Variants in SLC4A10 observed in about 807,000 individuals in gnomAD.
SLC4A10 encodes sodium-driven chloride bicarbonate exchanger.
A neutral mutation model predicts 137.7 loss-of-function variants in SLC4A10; 42 were observed. The observed-to-expected ratio is 0.30, with a 90% CI of 0.24 to 0.39. SLC4A10 has a LOEUF of 0.39. Ranked by LOEUF, SLC4A10 falls within the 10% of genes least tolerant of loss-of-function variation. The pLI is 1.00. For missense variants in SLC4A10, 925 were observed against 1,355.0 expected (o/e 0.68, Z 4.98); for synonymous variants, 474 against 464.1 (o/e 1.02, Z -0.27).
intron 22 of SLC4A10, among the ~76,000 whole-genome samples, chr2:161,964,625 AACATTGT>A: frequency 6.6e-6 from 1 of 152,290 alleles, no homozygotes; most frequent in East Asian, 1.9e-4. Flanking sequence ...TTTTTAAAAT[AACATTGT>A]ATTAAATGTT....
intron 15 of SLC4A10, among the ~76,000 whole-genome samples, chr2:161,914,582 T>C (rs936006990): frequency 8.0e-4 from 121 of 152,176 alleles, no homozygotes; most frequent in African/African-American, 2.8e-3. Context: ...AGATGATCAA[T>C]AGGAGGCTAA....
chr2:161,968,735 T>A (rs1237610489), intron 23 of SLC4A10, among the ~76,000 whole-genome samples: 1 of 152,170 alleles, frequency 6.6e-6, no homozygotes, highest in African/African-American at 2.4e-5. Context: ...TAATTCTCCA[T>A]CGAACAGGAA....
At chr2:161,822,722 C>A (rs1245334636) in intron 3 of SLC4A10, among the ~76,000 whole-genome samples, 3 of 152,092 alleles carry the variant, frequency 2.0e-5, no homozygotes, top group African/African-American at 7.2e-5. Flanking sequence ...TGCCTGTAAT[C>A]CCAGCCTTTT....
chr2:161,734,697 C>T (rs181736568), intron 1 of SLC4A10, among the ~76,000 whole-genome samples: 301 of 152,118 alleles, frequency 2.0e-3, no homozygotes, highest in African/African-American at 6.8e-3. Context: ...TATAACTTTT[C>T]GTTTACCAAA....
intron 15 of SLC4A10, among the ~76,000 whole-genome samples, chr2:161,911,643 T>A (rs913666615): frequency 1.3e-5 from 2 of 152,242 alleles, no homozygotes. Context: ...TTTACTTTAT[T>A]TGTGTACCTT....
chr2:161,634,155 T>A (rs1299334855), intron 1 of SLC4A10, among the ~76,000 whole-genome samples: 3 of 151,938 alleles, frequency 2.0e-5, no homozygotes, highest in Non-Finnish European at 4.4e-5. Context: ...GTGACAGTTA[T>A]TAAGTCTTTT....
At chr2:161,692,113 A>G (rs987307329) in intron 1 of SLC4A10, among the ~76,000 whole-genome samples, 10 of 152,022 alleles carry the variant, frequency 6.6e-5, no homozygotes, top group Non-Finnish European at 1.3e-4. Context: ...AAGAAAAGAA[A>G]AAAGAAAAGA....
intron 15 of SLC4A10, among the ~76,000 whole-genome samples, chr2:161,923,367 A>G (rs951960905): frequency 2.6e-5 from 4 of 152,164 alleles, no homozygotes; most frequent in Non-Finnish European, 2.9e-5. Context: ...TTTCTGCTTT[A>G]TGATTGTTGG....
At chr2:161,685,839 T>C (rs1374419291) in intron 1 of SLC4A10, among the ~76,000 whole-genome samples, 2 of 152,164 alleles carry the variant, frequency 1.3e-5, no homozygotes, top group Non-Finnish European at 2.9e-5. Flanking sequence ...TCCAATTACA[T>C]TTACACAAAA....
At chr2:161,699,114 G>A (rs1334834043) in intron 1 of SLC4A10, among the ~76,000 whole-genome samples, 1 of 152,142 alleles carries the variant, frequency 6.6e-6, no homozygotes, top group African/African-American at 2.4e-5. Context: ...ACGCGTCCTG[G>A]GTTCATGCCA....
chr2:161,808,639 G>A (rs1441121459), intron 3 of SLC4A10, among the ~76,000 whole-genome samples: 1 of 151,968 alleles, frequency 6.6e-6, no homozygotes, highest in Admixed American at 6.6e-5. Context: ...CCAATGTTTA[G>A]CCCCACTTAT....
intron 5 of SLC4A10, among the ~76,000 whole-genome samples, chr2:161,858,771 A>G (rs2060242072): frequency 6.6e-6 from 1 of 152,158 alleles, no homozygotes; most frequent in Non-Finnish European, 1.5e-5. Flanking sequence ...ATTAAAACCA[A>G]ACCAAAGTTG....
chr2:161,944,620 A>G (rs1178572399), intron 16 of SLC4A10, among the ~76,000 whole-genome samples: 1 of 151,634 alleles, frequency 6.6e-6, no homozygotes, highest in Non-Finnish European at 1.5e-5. Flanking sequence ...CATTTTAAAA[A>G]GTTTTGTACT....
chr2:161,975,305 C>A (rs1699218861), intron 24 of SLC4A10, among the ~76,000 whole-genome samples: 1 of 152,016 alleles, frequency 6.6e-6, no homozygotes, highest in African/African-American at 2.4e-5. Flanking sequence ...TTGTGTGATA[C>A]CACTCTCGAA....
intron 15 of SLC4A10, among the ~76,000 whole-genome samples, chr2:161,928,803 A>G (rs1689752586): frequency 6.6e-6 from 1 of 152,098 alleles, no homozygotes; most frequent in Non-Finnish European, 1.5e-5. Flanking sequence ...AAAATCCACT[A>G]TATGCCATGC....
intron 6 of SLC4A10, among the ~76,000 whole-genome samples, chr2:161,869,813 C>A: frequency 6.6e-6 from 1 of 151,538 alleles, no homozygotes; most frequent in Admixed American, 6.6e-5. Flanking sequence ...TAACGCCTAT[C>A]ATTTAACTAC....
intron 1 of SLC4A10, among the ~76,000 whole-genome samples, chr2:161,727,410 G>A (rs1356366423): frequency 6.6e-6 from 1 of 152,144 alleles, no homozygotes; most frequent in African/African-American, 2.4e-5. Flanking sequence ...TCTTAAATAT[G>A]AGCAGATAAC....
chr2:161,716,229 C>T (rs1174941073), intron 1 of SLC4A10, among the ~76,000 whole-genome samples: 6 of 150,832 alleles, frequency 4.0e-5, no homozygotes, highest in African/African-American at 1.5e-4. Flanking sequence ...AGTCTGGATA[C>T]TAGGCCTGTG....
At chr2:161,890,361 G>A (rs773944682) in intron 10 of SLC4A10, among the ~76,000 whole-genome samples, 3 of 152,078 alleles carry the variant, frequency 2.0e-5, no homozygotes, top group South Asian at 2.1e-4. Context: ...TTTCTGTCTC[G>A]TTGATCGGTC....
Sources: gnomAD v4.1 joint callset for allele counts (sites outside exome capture counted in the v4.1 genomes callset) on GRCh38, gnomAD v4.1.1 for gene constraint, MANE v1.5 for transcripts, NCBI Gene and HGNC (gene_info 2026-07-23, HGNC 2026-07-21) for gene names.